MRPL48: variants seen among roughly 807,000 people sequenced by gnomAD.
MRPL48 encodes the protein large ribosomal subunit protein mL48.
In MRPL48, 16 loss-of-function variants were observed where a neutral mutation model predicts 32.9. The observed-to-expected ratio is 0.49, with a 90% confidence interval of 0.33 to 0.74. The LOEUF (loss-of-function observed/expected upper bound fraction) is 0.74, where lower values mean the gene tolerates loss of function less well. Among genes scored for constraint, MRPL48 ranks in the 30% least tolerant of loss-of-function variants. MRPL48 has a pLI of 0.02. For missense variants in MRPL48, 206 were observed against 245.3 expected (o/e 0.84, Z 1.07); for synonymous variants, 94 against 89.2 (o/e 1.05, Z -0.31).
At chr11:73,853,680 CTTTTTTTTTT>C (rs58486952) in intron 5 of MRPL48, among the ~76,000 whole-genome samples, 3 of 79,118 alleles carry the variant, frequency 3.8e-5, no homozygotes, top group African/African-American at 1.0e-4. Context: ...GAGATAGCTT[CTTTTTTTTTT>C]TTTTTTTTTT....
intron 6 of MRPL48, 54 bp from the exon 7 acceptor site, chr11:73,863,118 T>G: frequency 1.4e-6 from 2 of 1,474,624 alleles, no homozygotes; most frequent in Non-Finnish European, 1.9e-6. Flanking sequence ...GTCTGCCCAG[T>G]TACCTCGTTT....
chr11:73,821,003 CT>C (rs112117882), intron 3 of MRPL48, among the ~76,000 whole-genome samples: 9,335 of 152,036 alleles, frequency 0.061, 402 homozygotes, highest in East Asian at 0.18. Context: ...TTTGTAATTA[CT>C]TTTTTTAGGA....
chr11:73,825,533 G>A (rs1000959437), intron 3 of MRPL48, among the ~76,000 whole-genome samples, 175 bp from the exon 4 acceptor site: 4 of 151,846 alleles, frequency 2.6e-5, no homozygotes, highest in Admixed American at 1.3e-4. Context: ...GGTCGGCGGG[G>A]AGGGGGGTGT....
chr11:73,788,192 C>T (rs1381232713), intron 1 of MRPL48, among the ~76,000 whole-genome samples, 200 bp downstream of exon 1: 3 of 151,984 alleles, frequency 2.0e-5, no homozygotes, highest in Non-Finnish European at 4.4e-5. Context: ...CCACCCGGGG[C>T]GAACTCTGCC....
In MRPL48 at chr11:73,798,479, A is replaced by G. The variant is rs114737446; in HGVS notation, c.22-6548A>G. Among the ~76,000 whole-genome samples the G allele has an allele frequency of 9.5e-3, 1,453 of 152,326 alleles. 14 individuals are homozygous for G. Among genetic ancestry groups the G allele is most frequent in the African/African-American group, 0.027 (1,130 of 41,564 alleles). ...ATACATGAAGGGTTTGACTTCTTGT[A>G]TGAAAAACAAGAACTGAACTTACTT... On this transcript the variant is annotated intron_variant, in intron 1 of 7. Transcript: ENST00000310614.
At chr11:73,832,422 G>C (rs1012350554) in intron 4 of MRPL48, 4 of 152,250 alleles carry the variant, frequency 2.6e-5, no homozygotes, top group African/African-American at 9.7e-5. Flanking sequence ...CAGAAAGTCA[G>C]AATCACTTTA....
At chr11:73,800,134 C>T (rs944517164) in intron 1 of MRPL48, among the ~76,000 whole-genome samples, 4 of 151,744 alleles carry the variant, frequency 2.6e-5, no homozygotes, top group African/African-American at 9.7e-5. Flanking sequence ...ATGGGCCAGG[C>T]CTGGTGGCTC....
chr11:73,835,846 C>A (rs547717593), intron 4 of MRPL48, among the ~76,000 whole-genome samples: 1 of 152,076 alleles, frequency 6.6e-6, no homozygotes, highest in East Asian at 1.9e-4. Flanking sequence ...TGCAGTGAGT[C>A]GAGATCATGC....
intron 4 of MRPL48, among the ~76,000 whole-genome samples, chr11:73,835,264 C>T (rs1360583720): frequency 6.6e-6 from 1 of 151,734 alleles, no homozygotes; most frequent in Non-Finnish European, 1.5e-5. Context: ...GCCTCAGCCT[C>T]CTGAGTAGCT....
chr11:73,824,108 C>T (rs1460319573), intron 3 of MRPL48, among the ~76,000 whole-genome samples: 4 of 151,900 alleles, frequency 2.6e-5, no homozygotes, highest in African/African-American at 9.7e-5. Flanking sequence ...CCTGCCTCGG[C>T]CTCCCAAAGT....
At chr11:73,804,078 C>T (rs1247670109) in intron 1 of MRPL48, among the ~76,000 whole-genome samples, 1 of 151,392 alleles carries the variant, frequency 6.6e-6, no homozygotes, top group African/African-American at 2.4e-5. Context: ...CGCCACCATG[C>T]CTGGTTAATT....
intron 4 of MRPL48, among the ~76,000 whole-genome samples, chr11:73,838,739 G>T (rs895857401): frequency 2.0e-5 from 3 of 152,176 alleles, no homozygotes; most frequent in Admixed American, 2.0e-4. Context: ...CCCACTCACC[G>T]CAAGGTCTAG....
chr11:73,839,070 G>A (rs1242063780), intron 4 of MRPL48, among the ~76,000 whole-genome samples: 4 of 152,230 alleles, frequency 2.6e-5, no homozygotes, highest in African/African-American at 7.2e-5. Flanking sequence ...TAGTGTTTAT[G>A]TGCCACAGAT....
chr11:73,794,752 T>C (rs1195826747), intron 1 of MRPL48, among the ~76,000 whole-genome samples: 2 of 150,952 alleles, frequency 1.3e-5, no homozygotes, highest in South Asian at 2.1e-4. Flanking sequence ...CTTTTCTTTT[T>C]TTTTTTTTTT....
At chr11:73,832,365 T>C (rs930715739) in intron 4 of MRPL48, 9 of 152,340 alleles carry the variant, frequency 5.9e-5, no homozygotes, top group African/African-American at 2.2e-4. Context: ...AGATCAGCTG[T>C]CACAGCCACA....
Position 73,807,723 on chromosome 11 carries a change from C to T in MRPL48, c.75-590C>T, listed in dbSNP as rs183549842. 9.3e-3 allele frequency among the ~76,000 whole-genome samples: 1,405 copies of T among 150,592 alleles called. 18 individuals carry two copies. The highest frequency in any genetic ancestry group is 0.034 in the Middle Eastern group (10 of 292). On this transcript the variant is annotated intron_variant, in intron 2 of 7. Transcript: ENST00000310614. Reference sequence around the variant, plus strand: ...CACGATCTTGGCTTACTGCAACCTCCGCCTCCCAAGTTCAGGTGATTCTCC... The same window carrying T: ...CACGATCTTGGCTTACTGCAACCTCTGCCTCCCAAGTTCAGGTGATTCTCC...
intron 5 of MRPL48, among the ~76,000 whole-genome samples, chr11:73,855,623 G>T (rs1237331310): frequency 6.6e-6 from 1 of 152,108 alleles, no homozygotes; most frequent in African/African-American, 2.4e-5. Context: ...GAGTAGCTGG[G>T]ATTACAGGTG....
intron 3 of MRPL48, among the ~76,000 whole-genome samples, chr11:73,816,652 C>T (rs112617381): frequency 0.012 from 1,752 of 150,636 alleles, 34 homozygotes; most frequent in African/African-American, 0.039. Context: ...TTAGTAGAGA[C>T]GGGGTTTCTC....
chr11:73,840,752 G>A (rs1948173610), intron 4 of MRPL48, among the ~76,000 whole-genome samples: 2 of 151,836 alleles, frequency 1.3e-5, no homozygotes, highest in African/African-American at 2.4e-5. Context: ...CACCCACCTC[G>A]GCCTCCCAAA....
Sources: gnomAD v4.1 joint callset for allele counts (sites outside exome capture counted in the v4.1 genomes callset) on GRCh38, gnomAD v4.1.1 for gene constraint, MANE v1.5 for transcripts, NCBI Gene and HGNC (gene_info 2026-07-23, HGNC 2026-07-21) for gene names.